Variants in ATAD5 observed in about 807,000 individuals in gnomAD.
ATAD5 encodes the protein ATPase family AAA domain-containing protein 5.
A neutral mutation model predicts 176.9 loss-of-function variants in ATAD5; 58 were observed. That is an observed-to-expected ratio of 0.33 (90% CI 0.27 to 0.41). The LOEUF is 0.41. Among genes scored for constraint, ATAD5 ranks in the 10% least tolerant of loss-of-function variants. The pLI, the probability that ATAD5 is intolerant of heterozygous loss-of-function variation, is 1.00. For synonymous variants in ATAD5, 640 were observed against 712.6 expected (o/e 0.90, Z 1.62); for missense variants, 1,789 against 2,094.1 (o/e 0.85, Z 2.84).
At chr17:30,856,634 C>T (rs1285597906) in intron 7 of ATAD5, among the ~76,000 whole-genome samples, 1 of 152,136 alleles carries the variant, frequency 6.6e-6, no homozygotes, top group Non-Finnish European at 1.5e-5. Flanking sequence ...GCCTTGGCCT[C>T]CCAAAGTGCT....
chr17:30,881,985 C>T (rs1048790125), intron 18 of ATAD5, among the ~76,000 whole-genome samples: 1 of 141,440 alleles, frequency 7.1e-6, no homozygotes, highest in Non-Finnish European at 1.5e-5. Context: ...CTAGGCCGGG[C>T]GCAGTGGCTC....
At chr17:30,890,314 T>G (rs1457234883) in intron 19 of ATAD5, among the ~76,000 whole-genome samples, 1 of 152,066 alleles carries the variant, frequency 6.6e-6, no homozygotes, top group Non-Finnish European at 1.5e-5. Flanking sequence ...TGTAACAAAT[T>G]AGTTAATAAC....
chr17:30,855,380 A>G, intron 7 of ATAD5, 53 bp downstream of exon 7: 1 of 1,473,676 alleles, frequency 6.8e-7, no homozygotes, highest in Non-Finnish European at 9.1e-7. Context: ...TAGCAGGAAC[A>G]TTAAACTATG....
At chr17:30,888,020 A>G (rs978658320) in intron 19 of ATAD5, among the ~76,000 whole-genome samples, 2 of 151,532 alleles carry the variant, frequency 1.3e-5, no homozygotes, top group Non-Finnish European at 1.5e-5. Flanking sequence ...TTTTTAGTAG[A>G]GATGGGGTTT....
At position 30,894,862 on chromosome 17, in the gene ATAD5, T is replaced by C; in HGVS notation, c.5484T>C (p.His1828=). The part of the protein sequence containing the change: ...RRFLHYFEGI[H]LDIPKETVNT... ...TCCTGCACTATTTTGAAGGAATTCA[T>C]CTTGACATTCCAAAAGAGACTGTGA... The change falls in exon 23 of 23, where the codon CAT becomes CAC. Residue 1828 remains histidine, a synonymous_variant. Coordinates refer to ENST00000321990, the MANE Select transcript of ATAD5 (RefSeq NM_024857.5). 6.3e-7 allele frequency: 1 copy of C among 1,595,430 alleles called. No individual in the cohort carries two copies. The highest frequency in any genetic ancestry group is 1.2e-5 in the South Asian group (1 of 86,334).
chr17:30,836,794 C>G (rs2142306824), intron 2 of ATAD5, among the ~76,000 whole-genome samples: 1 of 152,196 alleles, frequency 6.6e-6, no homozygotes, highest in East Asian at 1.9e-4. Flanking sequence ...TCTCGAACTC[C>G]TGACCTCAAG....
At chr17:30,848,050 A>G (rs1208832546) in intron 6 of ATAD5, among the ~76,000 whole-genome samples, 1 of 152,128 alleles carries the variant, frequency 6.6e-6, no homozygotes, top group Non-Finnish European at 1.5e-5. Context: ...ATACACATGT[A>G]TGGACAAGTG....
intron 20 of ATAD5, 102 bp from the exon 21 acceptor site, chr17:30,893,192 T>C: frequency 8.0e-7 from 1 of 1,242,618 alleles, no homozygotes; most frequent in Non-Finnish European, 1.1e-6. Context: ...AGTGACTCAG[T>C]ACTTTGAATT....
At chr17:30,855,563 G>A (rs866141795) in intron 7 of ATAD5, among the ~76,000 whole-genome samples, 9 of 151,858 alleles carry the variant, frequency 5.9e-5, no homozygotes, top group African/African-American at 2.2e-4. Flanking sequence ...TAGGCTGGGT[G>A]TGGTGTCTCA....
At chr17:30,832,734 A>G (rs532389674) in intron 1 of ATAD5, among the ~76,000 whole-genome samples, 17 of 152,312 alleles carry the variant, frequency 1.1e-4, no homozygotes, top group African/African-American at 4.1e-4. Context: ...AGAGGATCCC[A>G]GGGTCAAGTT....
At position 30,833,682 on chromosome 17, in the gene ATAD5, G is replaced by T. The variant is rs11656462; in HGVS notation, c.67-466G>T. ...ATGGCGTTTTTCTAATACATGTATG[G>T]TTTCTTTTTGTTTTTTGAGACAAGG... On this transcript the variant is annotated intron_variant, in intron 1 of 22. Transcript: ENST00000321990. 2.5e-4 allele frequency among the ~76,000 whole-genome samples: 38 copies of T among 152,140 alleles called. No individual in the cohort carries two copies. In the East Asian group the frequency reaches 6.2e-3, roughly 25 times the overall value.
At chr17:30,843,177 A>C (rs1413522177) in intron 4 of ATAD5, among the ~76,000 whole-genome samples, 2 of 149,822 alleles carry the variant, frequency 1.3e-5, no homozygotes, top group African/African-American at 2.5e-5. Context: ...CATAGGGAGA[A>C]CCTGGCTCTG....
intron 6 of ATAD5, among the ~76,000 whole-genome samples, chr17:30,851,344 A>G (rs1338891564): frequency 6.6e-6 from 1 of 150,924 alleles, no homozygotes; most frequent in Non-Finnish European, 1.5e-5. Context: ...AAAATACAAA[A>G]AATTAGCCAG....
Position 30,887,222 on chromosome 17 carries a change from T to C in ATAD5, c.4108T>C (p.Cys1370Arg). The C allele has an allele frequency of 6.3e-7, 1 of 1,591,042 alleles. No individual in the cohort carries two copies. Among genetic ancestry groups the C allele is most frequent in the Non-Finnish European group, 8.5e-7 (1 of 1,172,642 alleles). ...LNVASYLQMI[C>R]LTENFRTDVK... ...TGTTGCCAGCTACCTACAAATGATT[T>C]GCTTAACTGAGAATTTTAGAACTGA... is the stretch of plus-strand genomic sequence containing the variant. Residue 1370 changes from cysteine to arginine, a missense_variant, in exon 19 of 23, where the codon TGC becomes CGC. Physicochemically the swap from Cys to Arg is radical, Grantham distance 180. Coordinates refer to ENST00000321990, the MANE Select transcript of ATAD5 (RefSeq NM_024857.5).
At position 30,890,643 on chromosome 17, in the gene ATAD5, G is replaced by A. The variant is rs527753869; in HGVS notation, c.4259-1964G>A. The stretch of plus-strand genomic sequence containing the variant: ...TCACTGAGTTAGCCAGGATGGTCCC[G>A]ATCTCCTGACCTTGTGATCCGCCTG... On this transcript the variant is annotated intron_variant, in intron 19 of 22. Transcript: ENST00000321990. Among the ~76,000 whole-genome samples the A allele has an allele frequency of 4.6e-5, 7 of 150,900 alleles. No individual in the cohort carries two copies. In the East Asian group the frequency reaches 1.4e-3, roughly 30 times the overall value.
intron 3 of ATAD5, among the ~76,000 whole-genome samples, chr17:30,838,438 A>T (rs566306019): frequency 2.0e-5 from 3 of 152,284 alleles, no homozygotes; most frequent in Non-Finnish European, 4.4e-5. Flanking sequence ...CATAAAGTAA[A>T]TATTATTTAA....
intron 10 of ATAD5, among the ~76,000 whole-genome samples, chr17:30,863,190 G>GA (rs1907744839): frequency 6.6e-6 from 1 of 151,708 alleles, no homozygotes; most frequent in Non-Finnish European, 1.5e-5. Context: ...CCTGTCTCAA[G>GA]AAAAAAAGAA....
intron 18 of ATAD5, among the ~76,000 whole-genome samples, chr17:30,879,753 G>A (rs147663159): frequency 0.06 from 9,068 of 151,840 alleles, 759 homozygotes; most frequent in African/African-American, 0.19. Context: ...TAGTAGAGAC[G>A]GAGTTTCACC....
chr17:30,855,473 C>G, intron 7 of ATAD5, 146 bp downstream of exon 7: 1 of 885,264 alleles, frequency 1.1e-6, no homozygotes. Context: ...ATTTCTCTCA[C>G]TATCCATGGG....
Sources: allele counts gnomAD v4.1 joint callset (sites outside exome capture counted in the v4.1 genomes callset), GRCh38; gene constraint gnomAD v4.1.1; transcripts MANE v1.5; gene names NCBI Gene and HGNC (gene_info 2026-07-23, HGNC 2026-07-21).